Variants in MAPK8IP3 observed in about 807,000 individuals in gnomAD.
MAPK8IP3 encodes the protein C-Jun-amino-terminal kinase-interacting protein 3.
MAPK8IP3 carries 49 observed loss-of-function variants against 157.8 expected under a neutral mutation model. The ratio of observed to expected loss-of-function variants is 0.31; its 90% CI spans 0.25 to 0.39. MAPK8IP3 has a LOEUF of 0.39. MAPK8IP3 is among the 10% of genes least tolerant of loss of function. The probability of loss-of-function intolerance (pLI) is 1.00; values close to 1 mark genes in which losing one functional copy is unlikely to be tolerated. For synonymous variants in MAPK8IP3, 897 were observed against 777.7 expected, an observed-to-expected ratio of 1.15 and a Z score of -2.55; for missense variants, 1,478 against 1,889.4, an observed-to-expected ratio of 0.78 and a Z score of 4.04.
intron 8 of MAPK8IP3, chr16:1,752,307 C>T (rs145728687): frequency 1.1e-4 from 21 of 199,952 alleles, no homozygotes; most frequent in Middle Eastern, 2.1e-3. Context: ...CCACGCCCTC[C>T]GTGCACTCTG....
At position 1,719,418 on chromosome 16, in the gene MAPK8IP3, A is replaced by C. The variant is rs117316473; in HGVS notation, c.319-5139A>C. Among the ~76,000 whole-genome samples the C allele has an allele frequency of 6.2e-3, 937 of 152,326 alleles. 4 individuals are homozygous for C. The highest frequency in any genetic ancestry group is 0.011 in the Non-Finnish European group (777 of 68,026). ...ATTCTCAAATCAATCTAGAAGGAGA[A>C]ATTAGGAATAACCAGGAAAATGTTG... is the stretch of plus-strand genomic sequence containing the variant. On this transcript the variant is annotated intron_variant, in intron 1 of 31. Coordinates refer to ENST00000610761, the MANE Select transcript of MAPK8IP3 (RefSeq NM_001318852.2).
At position 1,768,625 on chromosome 16, in the gene MAPK8IP3, T is replaced by C. The variant is rs1380160562; in HGVS notation, c.3891T>C (p.Ile1297=). The C allele has an allele frequency of 6.2e-7, 1 of 1,605,094 alleles. No individual in the cohort carries two copies. Among genetic ancestry groups the C allele is most frequent in the Non-Finnish European group, 8.5e-7 (1 of 1,176,260 alleles). The change falls in exon 31 of 32, where the codon ATT becomes ATC. Residue 1297 remains isoleucine (I), a splice_region_variant and synonymous_variant. Coordinates refer to ENST00000610761, the MANE Select transcript of MAPK8IP3 (RefSeq NM_001318852.2). The part of the protein sequence containing the change: ...SGGEGYIDFR[I]GDGEDDETEE... Reference sequence around the variant, plus strand: ...GGGAGGGCTACATCGACTTCCGCATTGGTGAGCGGGGCCCAGGGACAGGGC... The same window carrying C: ...GGGAGGGCTACATCGACTTCCGCATCGGTGAGCGGGGCCCAGGGACAGGGC...
intron 1 of MAPK8IP3, among the ~76,000 whole-genome samples, chr16:1,723,494 C>CT (rs1449572374): frequency 1.3e-5 from 2 of 152,076 alleles, no homozygotes; most frequent in Non-Finnish European, 2.9e-5. Flanking sequence ...GTGACACATG[C>CT]CTGTAGTCCC....
At chr16:1,728,105 G>A (rs562359874) in intron 2 of MAPK8IP3, among the ~76,000 whole-genome samples, 3 of 152,348 alleles carry the variant, frequency 2.0e-5, no homozygotes, top group Admixed American at 6.5e-5. Flanking sequence ...CCATCAGGCC[G>A]GGGGCACGCA....
In MAPK8IP3 at chr16:1,762,339, C is replaced by T. The variant is rs185855449; in HGVS notation, c.1540-12C>T. 1.6e-5 allele frequency: 25 copies of T among 1,563,460 alleles called. No homozygotes were observed. The highest frequency in any genetic ancestry group is 2.7e-5 in the African/African-American group (2 of 73,754). ...GAGGGCTGGCTGAGCCTCTGTGCCC[C>T]TCCCTCCGCAGGACAAAATCCCCAT... On this transcript the variant is annotated splice_polypyrimidine_tract_variant and intron_variant, in intron 13 of 31. Coordinates refer to ENST00000610761, the MANE Select transcript of MAPK8IP3 (RefSeq NM_001318852.2).
At chr16:1,735,481 CCG>C in intron 4 of MAPK8IP3, among the ~76,000 whole-genome samples, 1 of 108,206 alleles carries the variant, frequency 9.2e-6, no homozygotes, top group African/African-American at 4.1e-5. Flanking sequence ...GAGAGTGTGA[CCG>C]TCCATGTGAG....
intron 4 of MAPK8IP3, among the ~76,000 whole-genome samples, chr16:1,737,507 CGT>C (rs1403651604): frequency 2.6e-4 from 19 of 72,934 alleles, no homozygotes; most frequent in African/African-American, 4.2e-4. Context: ...TCCGTGTGAG[CGT>C]GTGACCGTCC....
At chr16:1,755,110 C>T (rs907339393) in intron 8 of MAPK8IP3, among the ~76,000 whole-genome samples, 1 of 152,158 alleles carries the variant, frequency 6.6e-6, no homozygotes, top group African/African-American at 2.4e-5. Flanking sequence ...CATAAAGCTG[C>T]GGCAGTTGAG....
Position 1,743,182 on chromosome 16 carries a change from A to G in MAPK8IP3, c.603-150A>G. On this transcript the variant is annotated intron_variant, in intron 4 of 31. Coordinates refer to ENST00000610761, the MANE Select transcript of MAPK8IP3 (RefSeq NM_001318852.2). The surrounding 1 kb of genome is among the most constrained non-coding windows in gnomAD (Gnocchi z 5.6). Reference sequence around the variant, plus strand: ...CATCATGGGAGGGGAAGCGCCACGTAGGATCATAACTGAGTAGCTGCTCGA... The same window carrying G: ...CATCATGGGAGGGGAAGCGCCACGTGGGATCATAACTGAGTAGCTGCTCGA... 1.0e-6 allele frequency: 1 copy of G among 990,702 alleles called. No individual in the cohort carries two copies. The highest frequency in any genetic ancestry group is 2.3e-4 in the Middle Eastern group (1 of 4,416). 61.4% of individuals were successfully genotyped at this position (990,702 alleles called of 1,614,324 possible).
intron 17 of MAPK8IP3, 133 bp downstream of exon 17, chr16:1,763,916 C>T: frequency 9.5e-7 from 1 of 1,057,528 alleles, no homozygotes. Context: ...TGGGGCGGGG[C>T]CTGGCAGGTT....
At chr16:1,758,891 G>C in intron 9 of MAPK8IP3, 87 bp from the exon 10 acceptor site, 2 of 1,444,424 alleles carry the variant, frequency 1.4e-6, no homozygotes, top group Non-Finnish European at 1.9e-6. Flanking sequence ...CTGTCCACAC[G>C]GGCTTAACGC....
At chr16:1,732,825 G>A (rs772218335) in intron 4 of MAPK8IP3, among the ~76,000 whole-genome samples, 11 of 152,060 alleles carry the variant, frequency 7.2e-5, no homozygotes, top group Non-Finnish European at 1.5e-4. Flanking sequence ...ACGCCAGGGC[G>A]TGTGGATGCC....
At chr16:1,728,396 G>A (rs976170559) in intron 2 of MAPK8IP3, among the ~76,000 whole-genome samples, 4 of 152,180 alleles carry the variant, frequency 2.6e-5, no homozygotes, top group African/African-American at 7.2e-5. Context: ...TTTGAATCCC[G>A]CCTCCTCCCG....
At chr16:1,729,436 C>T (rs371147243) in intron 3 of MAPK8IP3, 51 bp from the exon 4 acceptor site, 69 of 1,528,746 alleles carry the variant, frequency 4.5e-5, no homozygotes, top group East Asian at 6.8e-5. Flanking sequence ...TTAGAGGGGA[C>T]GGAGACAGCC....
In MAPK8IP3 at chr16:1,768,961, C is replaced by T; in HGVS notation, c.*137C>T. On this transcript the variant is annotated 3_prime_UTR_variant, in exon 32 of 32. Transcript: ENST00000610761. ...CCTGCAGCTTTCACCTGAGTCTGGC[C>T]CCTCCAGCGGGCAGGGAGTGCGGGG... 2.9e-6 allele frequency: 3 copies of T among 1,030,296 alleles called. No individual in the cohort carries two copies. The highest frequency in any genetic ancestry group is 2.8e-6 in the Non-Finnish European group (2 of 712,364). 63.8% of individuals were successfully genotyped at this position (1,030,296 alleles called of 1,614,324 possible).
At chr16:1,708,677 G>C (rs1050344403) in intron 1 of MAPK8IP3, among the ~76,000 whole-genome samples, 2 of 152,118 alleles carry the variant, frequency 1.3e-5, no homozygotes, top group African/African-American at 4.8e-5. Flanking sequence ...ATCACCTTTA[G>C]TCTGAGACCC....
chr16:1,741,658 G>A lies in MAPK8IP3; in HGVS notation c.603-1674G>A, dbSNP rs1201154158. 5.9e-5 allele frequency among the ~76,000 whole-genome samples: 9 copies of A among 152,080 alleles called. No individual in the cohort carries two copies. The highest frequency in any genetic ancestry group is 2.1e-4 in the South Asian group (1 of 4,822). On this transcript the variant is annotated intron_variant, in intron 4 of 31. Transcript: ENST00000610761. The surrounding 1 kb of genome is among the most constrained non-coding windows in gnomAD (Gnocchi z 6.9). ...AGGAGGCCCCTGGTGCAGACAGGGC[G>A]GTTGAAGCCCAGCCTCCCACTGGGG... is the stretch of plus-strand genomic sequence containing the variant.
chr16:1,765,585 G>A (rs1419648216), intron 20 of MAPK8IP3, among the ~76,000 whole-genome samples: 1 of 152,256 alleles, frequency 6.6e-6, no homozygotes, highest in African/African-American at 2.4e-5. Flanking sequence ...CCTTGGTGAT[G>A]TTCTGGGCCA....
chr16:1,746,965 G>T, intron 5 of MAPK8IP3, 64 bp from the exon 6 acceptor site: 1 of 1,565,886 alleles, frequency 6.4e-7, no homozygotes. Flanking sequence ...AGGCAGCCAC[G>T]GCGGAGCCGC....
Sources: allele counts gnomAD v4.1 joint callset (sites outside exome capture counted in the v4.1 genomes callset), GRCh38; gene constraint gnomAD v4.1.1; non-coding constraint Gnocchi (gnomAD v3.1); transcripts MANE v1.5; gene names NCBI Gene and HGNC (gene_info 2026-07-23, HGNC 2026-07-21).